Variants in CNTNAP5 observed in about 807,000 individuals in gnomAD.
CNTNAP5 encodes the protein contactin associated protein family member 5.
Under a neutral mutation model 150.2 loss-of-function variants are expected in CNTNAP5, and 72 were observed. The observed-to-expected ratio is 0.48, with a 90% CI of 0.40 to 0.58. The LOEUF is 0.58. Among genes scored for constraint, CNTNAP5 ranks in the 20% least tolerant of loss-of-function variants. The pLI is 0.00. For missense variants in CNTNAP5, 1,636 were observed against 1,626.2 expected, an observed-to-expected ratio of 1.01 and a Z score of -0.10; for synonymous variants, 672 against 619.8, an observed-to-expected ratio of 1.08 and a Z score of -1.25.
At chr2:124,341,697 G>A (rs1689620876) in intron 3 of CNTNAP5, among the ~76,000 whole-genome samples, 1 of 152,150 alleles carries the variant, frequency 6.6e-6, no homozygotes, top group Non-Finnish European at 1.5e-5. Flanking sequence ...AGTTTCTCTG[G>A]ATTCTGGAGG....
At chr2:124,036,203 C>T (rs1270245573) in intron 1 of CNTNAP5, among the ~76,000 whole-genome samples, 2 of 151,858 alleles carry the variant, frequency 1.3e-5, no homozygotes, top group African/African-American at 2.4e-5. Flanking sequence ...GGATTACAGG[C>T]GTGAGCCACC....
chr2:124,336,376 C>A (rs1558856319), intron 3 of CNTNAP5, among the ~76,000 whole-genome samples: 2 of 151,012 alleles, frequency 1.3e-5, no homozygotes, highest in African/African-American at 4.9e-5. Context: ...CAGAGGTTTT[C>A]TTTTTTTTTC....
chr2:124,683,204 C>T (rs1679110350), intron 13 of CNTNAP5, among the ~76,000 whole-genome samples: 1 of 152,124 alleles, frequency 6.6e-6, no homozygotes, highest in Admixed American at 6.6e-5. Flanking sequence ...GCCCCACTCT[C>T]CCATATACTA....
chr2:124,157,197 A>G (rs1363315872), intron 1 of CNTNAP5, among the ~76,000 whole-genome samples: 1 of 152,148 alleles, frequency 6.6e-6, no homozygotes, highest in Non-Finnish European at 1.5e-5. Context: ...GTCTGGTCAC[A>G]TGTCTGTCTC....
chr2:124,646,168 C>T (rs1347675636), intron 12 of CNTNAP5, among the ~76,000 whole-genome samples: 4 of 152,134 alleles, frequency 2.6e-5, no homozygotes, highest in Non-Finnish European at 5.9e-5. Context: ...CTCTTTTTCT[C>T]CTGCTTCTAA....
intron 7 of CNTNAP5, among the ~76,000 whole-genome samples, chr2:124,494,442 G>T (rs906699117): frequency 6.6e-6 from 1 of 152,122 alleles, no homozygotes; most frequent in East Asian, 1.9e-4. Flanking sequence ...TAGGCCCCTA[G>T]CAGGTTGGAT....
chr2:124,485,708 G>T (rs1015866028), intron 7 of CNTNAP5, among the ~76,000 whole-genome samples: 9 of 151,274 alleles, frequency 5.9e-5, no homozygotes, highest in Admixed American at 3.3e-4. Flanking sequence ...TTAGGTCCCA[G>T]CTTCCTGCAG....
chr2:124,469,349 T>G (rs1041632940), intron 6 of CNTNAP5, among the ~76,000 whole-genome samples: 3 of 152,312 alleles, frequency 2.0e-5, no homozygotes, highest in African/African-American at 7.2e-5. Context: ...AACATTTTCC[T>G]GCAAACAATA....
chr2:124,408,949 G>A (rs1430620067), intron 3 of CNTNAP5, among the ~76,000 whole-genome samples: 5 of 151,204 alleles, frequency 3.3e-5, no homozygotes. Context: ...AGCTATGGGA[G>A]GACATTCAAA....
At chr2:124,685,863 G>A (rs1186469592) in intron 13 of CNTNAP5, among the ~76,000 whole-genome samples, 1 of 151,976 alleles carries the variant, frequency 6.6e-6, no homozygotes, top group Non-Finnish European at 1.5e-5. Flanking sequence ...GAAGCCTCAT[G>A]TTATAATTCT....
chr2:124,763,221 A>G (rs1409780419), intron 14 of CNTNAP5, among the ~76,000 whole-genome samples: 1 of 152,122 alleles, frequency 6.6e-6, no homozygotes, highest in African/African-American at 2.4e-5. Context: ...AAAAAAATCT[A>G]AACTTGATTA....
At chr2:124,288,501 A>G (rs1453185532) in intron 3 of CNTNAP5, among the ~76,000 whole-genome samples, 1 of 152,166 alleles carries the variant, frequency 6.6e-6, no homozygotes, top group Non-Finnish European at 1.5e-5. Context: ...TAAAAATTTA[A>G]TTGTTTGCTT....
At chr2:124,611,273 G>T (rs1453831519) in intron 12 of CNTNAP5, among the ~76,000 whole-genome samples, 1 of 152,166 alleles carries the variant, frequency 6.6e-6, no homozygotes, top group African/African-American at 2.4e-5. Context: ...CTACCGTGAG[G>T]TATCTCCAGC....
chr2:124,127,915 T>C (rs927642082), intron 1 of CNTNAP5, among the ~76,000 whole-genome samples: 26 of 152,156 alleles, frequency 1.7e-4, no homozygotes, highest in African/African-American at 5.8e-4. Flanking sequence ...TAATTCAAGA[T>C]GGAGTAAAGA....
At chr2:124,687,068 C>T (rs1179682007) in intron 13 of CNTNAP5, among the ~76,000 whole-genome samples, 2 of 152,040 alleles carry the variant, frequency 1.3e-5, no homozygotes, top group African/African-American at 2.4e-5. Flanking sequence ...AGAGAAATTA[C>T]CAGAGTTTGT....
chr2:124,175,052 T>C (rs1001642673), intron 1 of CNTNAP5, among the ~76,000 whole-genome samples: 8 of 152,362 alleles, frequency 5.3e-5, no homozygotes, highest in African/African-American at 1.7e-4. Flanking sequence ...CATAATGTTA[T>C]GCACACTTAA....
At position 124,250,545 on chromosome 2, in the gene CNTNAP5, A is replaced by C. The variant is rs76968573; in HGVS notation, c.381+8152A>C. 2.8e-3 allele frequency among the ~76,000 whole-genome samples: 425 copies of C among 152,200 alleles called. 4 individuals carry two copies. Among genetic ancestry groups the C allele is most frequent in the African/African-American group, 9.6e-3 (397 of 41,526 alleles). ...AGTCTTTCTCTCACTTGATAAACTA[A>C]ATACTCAGTGGAAACAATAAGATCT... On this transcript the variant is annotated intron_variant, in intron 3 of 23. Transcript: ENST00000682447.
intron 13 of CNTNAP5, among the ~76,000 whole-genome samples, chr2:124,660,907 G>T (rs1678573401): frequency 7.0e-6 from 1 of 143,284 alleles, no homozygotes; most frequent in Non-Finnish European, 1.5e-5. Context: ...TTTTGCCACT[G>T]CACTCCAGTC....
At chr2:124,310,036 C>T (rs1037628492) in intron 3 of CNTNAP5, among the ~76,000 whole-genome samples, 3 of 150,918 alleles carry the variant, frequency 2.0e-5, no homozygotes, top group African/African-American at 7.3e-5. Context: ...TTTTCATCTT[C>T]ACGAGGCCTG....
Sources: gnomAD v4.1 joint callset for allele counts (sites outside exome capture counted in the v4.1 genomes callset) on GRCh38, gnomAD v4.1.1 for gene constraint, MANE v1.5 for transcripts, NCBI Gene and HGNC (gene_info 2026-07-23, HGNC 2026-07-21) for gene names.